SPON1: variants seen among roughly 807,000 people sequenced by gnomAD.
The protein encoded by SPON1 is spondin 1.
In SPON1, 52 loss-of-function variants were observed where a neutral mutation model predicts 111.7. The ratio of observed to expected loss-of-function variants is 0.47; its 90% CI spans 0.37 to 0.59. The LOEUF is 0.59. SPON1 is among the 20% of genes least tolerant of loss of function. The probability of loss-of-function intolerance (pLI) is 0.00; values close to 1 mark genes in which losing one functional copy is unlikely to be tolerated. For missense variants in SPON1, 957 were observed against 1,068.5 expected (o/e 0.90, Z 1.46); for synonymous variants, 410 against 395.8 (o/e 1.04, Z -0.43).
At chr11:14,234,818 A>G (rs782069911) in intron 6 of SPON1, among the ~76,000 whole-genome samples, 1 of 152,046 alleles carries the variant, frequency 6.6e-6, no homozygotes, top group Admixed American at 6.6e-5. Flanking sequence ...GAAAAGAAAT[A>G]AAAAGAAATT....
chr11:14,239,177 G>T (rs1848897413), intron 6 of SPON1, among the ~76,000 whole-genome samples: 1 of 152,106 alleles, frequency 6.6e-6, no homozygotes, highest in Non-Finnish European at 1.5e-5. Context: ...AGGCTTTGTG[G>T]GTTTGTACCT....
Position 14,202,174 on chromosome 11 carries a change from G to T in SPON1, c.826-41158G>T, listed in dbSNP as rs76344315. 3.5e-4 allele frequency among the ~76,000 whole-genome samples: 54 copies of T among 152,282 alleles called. 1 individual carries two copies. In the East Asian group the frequency reaches 7.3e-3, roughly 21 times the overall value. On this transcript the variant is annotated intron_variant, in intron 6 of 15. Coordinates refer to ENST00000576479, the MANE Select transcript of SPON1 (RefSeq NM_006108.4). ...CAAAGACATCGTCCCTTTACAAGTG[G>T]CAGTCACCGAGGAAACGTTCACTTG...
In SPON1 at chr11:14,184,880, CCTGT is replaced by C. The variant is rs1848270137; in HGVS notation, c.825+49315_825+49318del. ...CAGCAAGTAGCTACAAACTTGTCAC[CCTGT>C]CTTTGAGAGATCACTCATCCTTGAG... On this transcript the variant is annotated intron_variant, in intron 6 of 15. Coordinates refer to ENST00000576479, the MANE Select transcript of SPON1 (RefSeq NM_006108.4). Among the ~76,000 whole-genome samples, 3 of 152,158 alleles carry C rather than the reference CCTGT, an allele frequency of 2.0e-5. No homozygotes were observed. The South Asian group carries it at 6.2e-4, about 32-fold the overall frequency.
At position 14,096,227 on chromosome 11, in the gene SPON1, T is replaced by C. The variant is rs118150348; in HGVS notation, c.676+16206T>C. 1.2e-4 allele frequency among the ~76,000 whole-genome samples: 19 copies of C among 152,322 alleles called. No homozygotes were observed. The East Asian group carries it at 3.3e-3, about 26-fold the overall frequency. On this transcript the variant is annotated intron_variant, in intron 5 of 15. Coordinates refer to ENST00000576479, the MANE Select transcript of SPON1 (RefSeq NM_006108.4). Reference sequence around the variant, plus strand: ...GTTGGGAGTGGAGAAGGAAAGTCCATGATCACATTTTCCAGTTAAACAGGG... The same window carrying C: ...GTTGGGAGTGGAGAAGGAAAGTCCACGATCACATTTTCCAGTTAAACAGGG...
At chr11:14,149,107 C>T (rs1181669118) in intron 6 of SPON1, among the ~76,000 whole-genome samples, 2 of 152,056 alleles carry the variant, frequency 1.3e-5, no homozygotes, top group Non-Finnish European at 2.9e-5. Context: ...AAAACAGCCT[C>T]AGGCAAGTCC....
rs191921139 is a variant in SPON1, at chr11:14,233,122, G to A, written c.826-10210G>A. 1.4e-3 allele frequency among the ~76,000 whole-genome samples: 217 copies of A among 152,110 alleles called. 2 individuals carry two copies. The highest frequency in any genetic ancestry group is 4.2e-4 in the South Asian group (2 of 4,808). Reference sequence around the variant, plus strand: ...TCTATGCTGATGACTTGGAGTTTACGTCTCCAGCCTGGACTTCTCCGTTGA... The same window carrying A: ...TCTATGCTGATGACTTGGAGTTTACATCTCCAGCCTGGACTTCTCCGTTGA... On this transcript the variant is annotated intron_variant, in intron 6 of 15. Transcript: ENST00000576479.
chr11:14,262,947 G>C lies in SPON1; in HGVS notation c.2232G>C (p.Lys744Asn), dbSNP rs781979345. 6.2e-7 allele frequency: 1 copy of C among 1,613,430 alleles called. No homozygotes were observed. The highest frequency in any genetic ancestry group is 8.5e-7 in the Non-Finnish European group (1 of 1,179,856). Residue 744 changes from lysine (K) to asparagine (N), a missense_variant, in exon 15 of 16, where the codon AAG (lysine) becomes AAC (asparagine). By Grantham distance (94) the Lys-to-Asn change is moderately conservative. Coordinates refer to ENST00000576479, the MANE Select transcript of SPON1 (RefSeq NM_006108.4). Reference protein sequence around the residue: ...ARESRRSEQLKEESEGEQFPG... With the variant: ...ARESRRSEQLNEESEGEQFPG... ...AGAGCCGGCGGAGTGAGCAGCTGAA[G>C]GAAGAGTCTGAAGGGGAGCAGTTCC...
intron 7 of SPON1, among the ~76,000 whole-genome samples, chr11:14,244,151 C>T (rs1386412669): frequency 6.6e-6 from 1 of 152,160 alleles, no homozygotes; most frequent in African/African-American, 2.4e-5. Context: ...TCACCTGGAC[C>T]ACGTCACCTT....
At chr11:13,976,278 C>CAGGGG (rs2133777451) in intron 1 of SPON1, among the ~76,000 whole-genome samples, 1 of 152,194 alleles carries the variant, frequency 6.6e-6, no homozygotes, top group African/African-American at 2.4e-5. Context: ...AATAGCCTCT[C>CAGGGG]AGGGGAGGCA....
chr11:14,117,136 A>C (rs1191074827), intron 5 of SPON1, among the ~76,000 whole-genome samples: 1 of 152,172 alleles, frequency 6.6e-6, no homozygotes, highest in Non-Finnish European at 1.5e-5. Flanking sequence ...CGTACACAAT[A>C]AGTTATGCCA....
At chr11:14,247,875 A>G (rs1288222424) in intron 7 of SPON1, among the ~76,000 whole-genome samples, 2 of 152,236 alleles carry the variant, frequency 1.3e-5, no homozygotes, top group African/African-American at 4.8e-5. Context: ...TCTGGAACTC[A>G]GGGCAAGAAT....
intron 2 of SPON1, among the ~76,000 whole-genome samples, chr11:14,030,853 G>A (rs1848553894): frequency 2.0e-5 from 3 of 152,190 alleles, no homozygotes; most frequent in African/African-American, 7.2e-5. Flanking sequence ...TCCCATTACT[G>A]GGTATATATG....
At chr11:14,256,416 T>C (rs1849108963) in intron 9 of SPON1, among the ~76,000 whole-genome samples, 1 of 152,268 alleles carries the variant, frequency 6.6e-6, no homozygotes, top group African/African-American at 2.4e-5. Flanking sequence ...ACCCAAGTTA[T>C]GTATTTATCA....
intron 6 of SPON1, among the ~76,000 whole-genome samples, chr11:14,204,750 T>A (rs1848499853): frequency 6.6e-6 from 1 of 152,062 alleles, no homozygotes; most frequent in Non-Finnish European, 1.5e-5. Flanking sequence ...AGTGGCGCAG[T>A]CTCGGCTTAC....
At chr11:14,138,789 G>A (rs1554928445) in intron 6 of SPON1, among the ~76,000 whole-genome samples, 4 of 152,138 alleles carry the variant, frequency 2.6e-5, no homozygotes. Context: ...GTTCTCTGCT[G>A]GATGCTGGCC....
intron 2 of SPON1, among the ~76,000 whole-genome samples, chr11:14,021,660 AAGG>A (rs1390606625): frequency 3.3e-5 from 5 of 152,200 alleles, no homozygotes; most frequent in African/African-American, 1.2e-4. Flanking sequence ...AAGGCCCTGG[AAGG>A]AGGAGTTCTC....
chr11:14,149,452 TA>T (rs1847762871), intron 6 of SPON1, among the ~76,000 whole-genome samples: 1 of 152,152 alleles, frequency 6.6e-6, no homozygotes, highest in Non-Finnish European at 1.5e-5. Context: ...GTGTATAAAG[TA>T]AAAAGTTAGA....
chr11:14,009,662 G>A lies in SPON1; in HGVS notation c.345+26709G>A, dbSNP rs139162385. Reference sequence around the variant, plus strand: ...GCTATAACAAAATATCTTAGACTCAGTGATTTACAAACAACAGAATTTATT... The same window carrying A: ...GCTATAACAAAATATCTTAGACTCAATGATTTACAAACAACAGAATTTATT... On this transcript the variant is annotated intron_variant, in intron 2 of 15. Transcript: ENST00000576479. 5.7e-3 allele frequency among the ~76,000 whole-genome samples: 873 copies of A among 152,296 alleles called. 8 individuals are homozygous for A. Among genetic ancestry groups the A allele is most frequent in the African/African-American group, 0.02 (836 of 41,550 alleles).
intron 5 of SPON1, among the ~76,000 whole-genome samples, chr11:14,085,631 G>T (rs11517736): frequency 0.071 from 10,761 of 152,160 alleles, 496 homozygotes; most frequent in South Asian, 0.19. Context: ...GGCTATACAG[G>T]CTCTTTTTTA....
Sources: allele counts gnomAD v4.1 joint callset (sites outside exome capture counted in the v4.1 genomes callset), GRCh38; gene constraint gnomAD v4.1.1; transcripts MANE v1.5; gene names NCBI Gene and HGNC (gene_info 2026-07-23, HGNC 2026-07-21).